Variants in DOCK8 observed in about 807,000 individuals in gnomAD.
DOCK8 encodes the protein dedicator of cytokinesis 8.
DOCK8 carries 141 observed loss-of-function variants against 245.6 expected under a neutral mutation model. That is an observed-to-expected ratio of 0.57 (90% CI 0.50 to 0.66). The LOEUF is 0.66. Ranked by LOEUF, DOCK8 falls within the 30% of genes least tolerant of loss-of-function variation. DOCK8 has a pLI of 0.00. For synonymous variants in DOCK8, 1,168 were observed against 970.2 expected (o/e 1.20, Z -3.79); for missense variants, 2,965 against 2,603.4 (o/e 1.14, Z -3.02).
chr9:330,332 G>C (rs186992855), intron 9 of DOCK8, among the ~76,000 whole-genome samples: 2 of 152,174 alleles, frequency 1.3e-5, no homozygotes, highest in East Asian at 3.9e-4. Flanking sequence ...AAGTTGCGAT[G>C]GGCCTATCCT....
At chr9:229,417 C>G (rs1425770204) in intron 1 of DOCK8, among the ~76,000 whole-genome samples, 47 of 152,128 alleles carry the variant, frequency 3.1e-4, no homozygotes. Context: ...TGCCTGGAGG[C>G]AGGTATATGA....
chr9:374,689 C>T (rs1433807250), intron 18 of DOCK8, among the ~76,000 whole-genome samples: 1 of 150,352 alleles, frequency 6.7e-6, no homozygotes, highest in Non-Finnish European at 1.5e-5. Context: ...TGGTCTCAAA[C>T]TCCTGGCCTC....
chr9:421,748 CT>C (rs2056288644), intron 32 of DOCK8, among the ~76,000 whole-genome samples: 1 of 152,322 alleles, frequency 6.6e-6, no homozygotes, highest in African/African-American at 2.4e-5. Context: ...GACACCCATA[CT>C]TTCATACCCA....
chr9:404,815 G>C, intron 26 of DOCK8, 103 bp from the exon 27 acceptor site: 2 of 1,252,670 alleles, frequency 1.6e-6, no homozygotes, highest in Non-Finnish European at 2.3e-6. Flanking sequence ...TTATTAAATT[G>C]ATTGCCTTAA....
chr9:369,856 C>T, intron 15 of DOCK8: 1 of 272,886 alleles, frequency 3.7e-6, no homozygotes, highest in South Asian at 4.0e-5. Flanking sequence ...GGCTGGGGTG[C>T]AATGGTGCAA....
chr9:334,237 A>T lies in DOCK8; in HGVS notation c.1138A>T (p.Ile380Phe). 6.2e-7 allele frequency: 1 copy of T among 1,614,232 alleles called. No homozygotes were observed. The highest frequency in any genetic ancestry group is 8.5e-7 in the Non-Finnish European group (1 of 1,180,026). Residue 380 changes from isoleucine to phenylalanine, a missense_variant, in exon 11 of 48, where the codon ATT becomes TTT. This residue lies in a region of DOCK8 where 2,825 missense variants were observed against 2,453.5 expected (regional missense o/e 1.15). Coordinates refer to ENST00000432829, the MANE Select transcript of DOCK8 (RefSeq NM_203447.4). ...ESDGGKSKEK[I>F]EKLKLQAESF... ...CATTTTCCTCCAGAGTAAAGAAAAG[A>T]TTGAAAAACTAAAACTCCAAGCTGA...
At chr9:323,215 C>G (rs2050599126) in intron 7 of DOCK8, among the ~76,000 whole-genome samples, 1 of 134,016 alleles carries the variant, frequency 7.5e-6, no homozygotes, top group African/African-American at 2.8e-5. Flanking sequence ...TAAAATCTAC[C>G]ATCTTTTTTT....
At chr9:452,597 T>C (rs1587107774) in intron 46 of DOCK8, 1 of 153,386 alleles carries the variant, frequency 6.5e-6, no homozygotes, top group African/African-American at 2.4e-5. Context: ...ATCAATGTGC[T>C]GATATTCCAC....
chr9:325,311 T>C (rs888581877), intron 7 of DOCK8, among the ~76,000 whole-genome samples: 1 of 152,132 alleles, frequency 6.6e-6, no homozygotes, highest in African/African-American at 2.4e-5. Flanking sequence ...AACAAGTCCA[T>C]TACCTCAGAC....
At chr9:310,112 A>G (rs931432510) in intron 5 of DOCK8, among the ~76,000 whole-genome samples, 20 of 152,178 alleles carry the variant, frequency 1.3e-4, no homozygotes, top group African/African-American at 4.8e-4. Context: ...TACTAAAAAT[A>G]CAAAATTAGC....
At chr9:332,597 C>T in intron 10 of DOCK8, 119 bp downstream of exon 10, 1 of 440,930 alleles carries the variant, frequency 2.3e-6, no homozygotes, top group South Asian at 2.3e-5. Context: ...TAAGACACTA[C>T]TACATTTTAA....
At chr9:411,232 A>G (rs1230200798) in intron 28 of DOCK8, among the ~76,000 whole-genome samples, 7 of 152,032 alleles carry the variant, frequency 4.6e-5, no homozygotes, top group Non-Finnish European at 5.9e-5. Flanking sequence ...GGCCAAGGTG[A>G]TGAAACCCCG....
At chr9:390,713 C>G (rs2131355060) in intron 24 of DOCK8, 147 bp downstream of exon 24, 2 of 750,138 alleles carry the variant, frequency 2.7e-6, no homozygotes, top group East Asian at 5.4e-5. Context: ...CCCTCCCATC[C>G]TTCTTCCACT....
chr9:377,668 G>A (rs967759359), intron 20 of DOCK8, among the ~76,000 whole-genome samples: 4 of 152,062 alleles, frequency 2.6e-5, no homozygotes, highest in Non-Finnish European at 5.9e-5. Flanking sequence ...ATAGTTCATT[G>A]GTTTTTAGTA....
At chr9:234,433 A>G (rs1336186874) in intron 1 of DOCK8, among the ~76,000 whole-genome samples, 3 of 152,226 alleles carry the variant, frequency 2.0e-5, no homozygotes, top group African/African-American at 7.2e-5. Flanking sequence ...TCTGAATTTC[A>G]GTGTTGGCCT....
intron 1 of DOCK8, among the ~76,000 whole-genome samples, chr9:221,640 C>A (rs1262989212): frequency 6.7e-6 from 1 of 149,538 alleles, no homozygotes; most frequent in African/African-American, 2.5e-5. Context: ...GGTGAAACCC[C>A]ATCTCTACTA....
Position 379,844 on chromosome 9 carries a change from C to T in DOCK8, c.2514C>T (p.Ser838=). Residue 838 remains serine, a synonymous_variant, in exon 21 of 48, where the codon AGC becomes AGT. Transcript: ENST00000432829. The part of the protein sequence containing the change: ...ANSLHNSKDL[S]KDQHGRNCLL... ...GTCTGCACAACAGCAAGGACCTGAG[C>T]AAGGACCAGCATGGGAGGAACTGCC... 6.2e-7 allele frequency: 1 copy of T among 1,614,234 alleles called. No homozygotes were observed. The highest frequency in any genetic ancestry group is 8.5e-7 in the Non-Finnish European group (1 of 1,180,040).
chr9:382,835 T>C (rs2053780182), intron 22 of DOCK8, 150 bp downstream of exon 22: 1 of 1,054,472 alleles, frequency 9.5e-7, no homozygotes, highest in Non-Finnish European at 1.4e-6. Flanking sequence ...TAACGTTCTT[T>C]AGAACAGATT....
intron 19 of DOCK8, among the ~76,000 whole-genome samples, chr9:376,748 C>T (rs529013192): frequency 7.2e-5 from 11 of 152,306 alleles, no homozygotes; most frequent in East Asian, 1.9e-4. Flanking sequence ...CATGTCAGAG[C>T]CAAAATTATT....
Sources: allele counts gnomAD v4.1 joint callset (sites outside exome capture counted in the v4.1 genomes callset), GRCh38; gene constraint gnomAD v4.1.1; regional missense constraint gnomAD v4.1.1; transcripts MANE v1.5; gene names NCBI Gene and HGNC (gene_info 2026-07-23, HGNC 2026-07-21).